Variants in PBX1 observed in about 807,000 individuals in gnomAD.
PBX1 encodes PBX homeobox 1, also known as pre-B-cell leukemia transcription factor 1.
In PBX1, 6 loss-of-function variants were observed where a neutral mutation model predicts 53.4. The ratio of observed to expected loss-of-function variants is 0.11; its 90% CI spans 0.06 to 0.22. The LOEUF (loss-of-function observed/expected upper bound fraction) is 0.22, where lower values mean the gene tolerates loss of function less well. Among genes scored for constraint, PBX1 ranks in the 10% least tolerant of loss-of-function variants. The probability of loss-of-function intolerance (pLI) is 1.00; values close to 1 mark genes in which losing one functional copy is unlikely to be tolerated. For synonymous variants in PBX1, 204 were observed against 212.3 expected (o/e 0.96, Z 0.34); for missense variants, 251 against 551.4 (o/e 0.46, Z 5.46).
At position 164,849,699 on chromosome 1, in the gene PBX1, C is replaced by T; in HGVS notation, c.*3023C>T. On this transcript the variant is annotated 3_prime_UTR_variant, in exon 9 of 9. Transcript: ENST00000420696. ...CCTCCCTCTGGCATGGAATTGACGC[C>T]CGTGCAGTACATTTGCCAAGTGGCA... The T allele has an allele frequency of 3.1e-6, 1 of 322,788 alleles. No individual in the cohort carries two copies. The highest frequency in any genetic ancestry group is 5.7e-6 in the Non-Finnish European group (1 of 175,470). The allele number at this position is 322,788 out of a possible 1,614,324, so 20.0% of individuals were successfully genotyped here.
intron 2 of PBX1, among the ~76,000 whole-genome samples, chr1:164,716,632 T>A (rs12733532): frequency 0.41 from 61,405 of 149,788 alleles, 13,284 homozygotes; most frequent in South Asian, 0.72. Flanking sequence ...AAGCAGGAAG[T>A]TCGCTTGAGC....
At chr1:164,810,895 G>A (rs1653756828) in intron 5 of PBX1, among the ~76,000 whole-genome samples, 2 of 152,062 alleles carry the variant, frequency 1.3e-5, no homozygotes, top group Non-Finnish European at 2.9e-5. Context: ...CATTTCTGCT[G>A]TAGTATAAAC....
In PBX1 at chr1:164,800,895, C is replaced by A. The variant is rs142987286; in HGVS notation, c.701+1006C>A. On this transcript the variant is annotated intron_variant, in intron 4 of 8. Coordinates refer to ENST00000420696, the MANE Select transcript of PBX1 (RefSeq NM_002585.4). Reference sequence around the variant, plus strand: ...TACCATTTCACAGTCTATAATTTTGCCTCTTTTCAATGAGATAAAACAATT... The same window carrying A: ...TACCATTTCACAGTCTATAATTTTGACTCTTTTCAATGAGATAAAACAATT... Among the ~76,000 whole-genome samples, 466 of 152,202 alleles carry A rather than the reference C, an allele frequency of 3.1e-3. 4 individuals are homozygous for A. The highest frequency in any genetic ancestry group is 9.8e-3 in the African/African-American group (407 of 41,512).
At chr1:164,800,103 T>C (rs1247596896) in intron 4 of PBX1, among the ~76,000 whole-genome samples, 3 of 152,200 alleles carry the variant, frequency 2.0e-5, no homozygotes, top group Non-Finnish European at 2.9e-5. Context: ...ATCACTACTG[T>C]TATGCACTCT....
intron 2 of PBX1, among the ~76,000 whole-genome samples, chr1:164,785,922 G>C (rs1033805918): frequency 6.6e-6 from 1 of 152,186 alleles, no homozygotes; most frequent in African/African-American, 2.4e-5. Context: ...TACCAGGCTG[G>C]GTCCAGGAAG....
chr1:164,643,738 AG>A (rs1321430273), intron 2 of PBX1, among the ~76,000 whole-genome samples: 1 of 152,246 alleles, frequency 6.6e-6, no homozygotes, highest in African/African-American at 2.4e-5. Context: ...CCAACGAAGA[AG>A]CAAAGTTATC....
rs539592605 is a variant in PBX1, at chr1:164,663,532, G to A, written c.265+100221G>A. On this transcript the variant is annotated intron_variant, in intron 2 of 8. Transcript: ENST00000420696. Reference sequence around the variant, plus strand: ...AGCTTGCCTGATCTGGGACCTGAACGTAAAGATACTTATCATCGACATGCT... The same window carrying A: ...AGCTTGCCTGATCTGGGACCTGAACATAAAGATACTTATCATCGACATGCT... 3.9e-5 allele frequency among the ~76,000 whole-genome samples: 6 copies of A among 152,238 alleles called. No homozygotes were observed. The East Asian group carries it at 9.6e-4, about 24-fold the overall frequency.
chr1:164,627,054 T>G (rs1053982018), intron 2 of PBX1, among the ~76,000 whole-genome samples: 1 of 152,228 alleles, frequency 6.6e-6, no homozygotes, highest in African/African-American at 2.4e-5. Flanking sequence ...GCATCTCCTT[T>G]TGGCTGGTGG....
At chr1:164,631,811 A>C (rs2101880289) in intron 2 of PBX1, among the ~76,000 whole-genome samples, 1 of 152,364 alleles carries the variant, frequency 6.6e-6, no homozygotes, top group Admixed American at 6.5e-5. Flanking sequence ...AAGGAATTGG[A>C]ACTGATTTGG....
intron 2 of PBX1, among the ~76,000 whole-genome samples, chr1:164,573,007 C>T (rs1039198526): frequency 6.6e-6 from 1 of 152,090 alleles, no homozygotes; most frequent in South Asian, 2.1e-4. Context: ...TTTCACACCC[C>T]CCTCCCCTAC....
intron 2 of PBX1, among the ~76,000 whole-genome samples, chr1:164,632,956 C>G (rs1571111160): frequency 6.6e-6 from 1 of 152,080 alleles, no homozygotes; most frequent in African/African-American, 2.4e-5. Flanking sequence ...TTGGAAATCC[C>G]CAGTCTTGTT....
At chr1:164,564,208 G>A (rs1487152056) in intron 2 of PBX1, among the ~76,000 whole-genome samples, 1 of 152,088 alleles carries the variant, frequency 6.6e-6, no homozygotes, top group Non-Finnish European at 1.5e-5. Flanking sequence ...GCTTCTGCTG[G>A]GCTCTGACTT....
intron 2 of PBX1, among the ~76,000 whole-genome samples, chr1:164,732,119 G>A (rs1470646840): frequency 1.3e-5 from 2 of 152,168 alleles, no homozygotes; most frequent in African/African-American, 4.8e-5. Context: ...TTTCTCTGGT[G>A]CTACACTGTT....
At chr1:164,680,666 G>A (rs1661707044) in intron 2 of PBX1, 1 of 152,126 alleles carries the variant, frequency 6.6e-6, no homozygotes, top group South Asian at 2.1e-4. Flanking sequence ...ATGCAGCTAG[G>A]CTATTGTATA....
chr1:164,572,604 A>G (rs1311513982), intron 2 of PBX1, among the ~76,000 whole-genome samples: 1 of 152,196 alleles, frequency 6.6e-6, no homozygotes, highest in Non-Finnish European at 1.5e-5. Context: ...CAGAGGGAGC[A>G]TGGACTTTGA....
chr1:164,875,551 G>A (rs1672483396), intron 2 of PBX1, among the ~76,000 whole-genome samples: 1 of 152,032 alleles, frequency 6.6e-6, no homozygotes, highest in African/African-American at 2.4e-5. Context: ...CCTCTGCCTC[G>A]GCTTCCCAAA....
At chr1:164,804,516 A>G (rs1308630403) in intron 4 of PBX1, among the ~76,000 whole-genome samples, 1 of 152,230 alleles carries the variant, frequency 6.6e-6, no homozygotes, top group Non-Finnish European at 1.5e-5. Flanking sequence ...GCTGCTCAGT[A>G]GCCACACATA....
chr1:164,873,155 G>T (rs1007625827), intron 2 of PBX1, among the ~76,000 whole-genome samples: 3 of 152,214 alleles, frequency 2.0e-5, no homozygotes, highest in African/African-American at 7.2e-5. Context: ...GACTCTGAAG[G>T]TCATGTTCAT....
At chr1:164,852,784 C>T (rs1045259395), downstream of PBX1, among the ~76,000 whole-genome samples, 2 of 152,180 alleles carry the variant, frequency 1.3e-5, no homozygotes, top group Admixed American at 1.3e-4. Context: ...TGCCCATTGG[C>T]CTCCAAAGTT....
Sources: allele counts gnomAD v4.1 joint callset (sites outside exome capture counted in the v4.1 genomes callset), GRCh38; gene constraint gnomAD v4.1.1; transcripts MANE v1.5; gene names NCBI Gene and HGNC (gene_info 2026-07-23, HGNC 2026-07-21).